The following ABCA2 variants were observed in gnomAD, a reference collection of about 807,000 sequenced individuals.
The protein encoded by ABCA2 is ATP binding cassette subfamily A member 2, also known as ATP-binding cassette sub-family A member 2.
In ABCA2, 84 loss-of-function variants were observed where a neutral mutation model predicts 262.8. The ratio of observed to expected loss-of-function variants is 0.32; its 90% CI spans 0.27 to 0.38. The LOEUF (loss-of-function observed/expected upper bound fraction) is 0.38, where lower values mean the gene tolerates loss of function less well. Ranked by LOEUF, ABCA2 falls within the 10% of genes least tolerant of loss-of-function variation. The pLI is 1.00. For synonymous variants in ABCA2, 1,696 were observed against 1,502.9 expected, an observed-to-expected ratio of 1.13 and a Z score of -2.97; for missense variants, 2,662 against 3,405.9, an observed-to-expected ratio of 0.78 and a Z score of 5.44.
intron 3 of ABCA2, 45 bp downstream of exon 3, chr9:137,023,793 C>A: frequency 1.3e-6 from 1 of 741,584 alleles, no homozygotes; most frequent in Non-Finnish European, 2.5e-6. Context: ...GGGCCCCCCG[C>A]AGCTGCTGCC....
At chr9:137,024,880 G>A (rs1464245027) in intron 1 of ABCA2, among the ~76,000 whole-genome samples, 3 of 150,560 alleles carry the variant, frequency 2.0e-5, no homozygotes, top group African/African-American at 7.4e-5. Context: ...CTCACTGCAA[G>A]CTCCGTCCCC....
intron 1 of ABCA2, among the ~76,000 whole-genome samples, chr9:137,027,097 C>G (rs1275533178): frequency 6.6e-6 from 1 of 152,190 alleles, no homozygotes; most frequent in Non-Finnish European, 1.5e-5. Context: ...CCTGGCTGGG[C>G]AAGAGGATGT....
At position 137,010,256 on chromosome 9, in the gene ABCA2, G is replaced by A. The variant is rs1197163672; in HGVS notation, c.6290C>T (p.Thr2097Ile). Residue 2097 changes from threonine (T) to isoleucine (I), a missense_variant, in exon 41 of 49, where the codon ACC becomes ATC. Thr to Ile is a moderately conservative substitution (Grantham distance 89). This residue lies in a region of ABCA2 where 602 missense variants were observed against 897.4 expected (regional missense o/e 0.67). Transcript: ENST00000341511. Reference protein sequence around the residue: ...LGVNGAGKTSTFKMLTGDEST... With the variant: ...LGVNGAGKTSIFKMLTGDEST... The stretch of plus-strand genomic sequence containing the variant: ...CTCGTCGCCGGTCAGCATCTTGAAG[G>A]TGCTGGTCTTGCCCGCACCGTTGAC... 1 of 1,602,320 alleles carries A rather than the reference G, an allele frequency of 6.2e-7. No homozygotes were observed. Among genetic ancestry groups the A allele is most frequent in the African/African-American group, 1.3e-5 (1 of 74,698 alleles).
Position 137,010,151 on chromosome 9 carries a change from TGA to T in ABCA2, c.6354-29_6354-28del, listed in dbSNP as rs774769103. On this transcript the variant is annotated intron_variant, in intron 41 of 48. Coordinates refer to ENST00000341511, the MANE Select transcript of ABCA2 (RefSeq NM_001606.5). The stretch of plus-strand genomic sequence containing the variant: ...TGGGGACACGGCAGCTGTCAGCGCG[TGA>T]GGACGCGGCGGCCCCGCCCACCCAG... 2.5e-6 allele frequency: 4 copies of T among 1,592,312 alleles called. No homozygotes were observed. The African/African-American group carries it at 5.4e-5, about 21-fold the overall frequency.
chr9:137,028,398 G>C, upstream of ABCA2: 1 of 524,510 alleles, frequency 1.9e-6, no homozygotes, highest in South Asian at 7.9e-5. The surrounding 1 kb of genome is among the most constrained non-coding windows in gnomAD (Gnocchi z 6.9). Flanking sequence ...CCGCGCCCGG[G>C]ACCGACCCGG....
rs547767667 is a variant in ABCA2 at position 137,017,429 on chromosome 9, T to C, written c.2402+73A>G. ...AGGCCCGTGCCAGGGTCCAGGGGGCTCTGAGAGGATGTGGGGTGAGCTTGC... is the reference window on the plus strand; with the variant it reads ...AGGCCCGTGCCAGGGTCCAGGGGGCCCTGAGAGGATGTGGGGTGAGCTTGC... On this transcript the variant is annotated intron_variant, in intron 17 of 48. Coordinates refer to ENST00000341511, the MANE Select transcript of ABCA2 (RefSeq NM_001606.5). The C allele has an allele frequency of 1.1e-4, 177 of 1,598,890 alleles. No homozygotes were observed. The South Asian group carries it at 1.2e-3, about 11-fold the overall frequency.
chr9:137,023,196 A>G (rs929079848), intron 3 of ABCA2, 144 bp from the exon 4 acceptor site: 6 of 707,442 alleles, frequency 8.5e-6, no homozygotes, highest in Non-Finnish European at 1.4e-5. Context: ...AGAAGGCGGC[A>G]CAGAGCCCTG....
At chr9:137,009,195 AG>A (rs938596588) in intron 45 of ABCA2, 142 bp from the exon 46 acceptor site, 8 of 653,660 alleles carry the variant, frequency 1.2e-5, no homozygotes, top group Non-Finnish European at 1.8e-5. Context: ...CAGCCCCCAC[AG>A]CCCTCCAGGC....
rs1244535900 is a variant in ABCA2 at position 137,018,010 on chromosome 9, C to T, written c.2059G>A (p.Val687Met). ...TAGCAGGGGTAGGGGAACATCTGCA[C>T]GTAGCTGCCTGGCTCCACCACATCG... ...GHDVVEPGSYVQMFPYPCYTR... is the reference protein window; with the variant it reads ...GHDVVEPGSYMQMFPYPCYTR... The change falls in exon 15 of 49, where the codon GTG becomes ATG. Residue 687 changes from valine to methionine, a missense_variant. Val to Met is a conservative substitution (Grantham distance 21, BLOSUM62 1). Transcript: ENST00000341511. 2 of 1,612,690 alleles carry T rather than the reference C, an allele frequency of 1.2e-6. No individual in the cohort carries two copies. The highest frequency in any genetic ancestry group is 1.3e-5 in the African/African-American group (1 of 74,952).
rs779841097 is a variant in ABCA2, at chr9:137,013,845, G to T, written c.4434C>A (p.Ser1478=). The T allele has an allele frequency of 1.2e-6, 2 of 1,608,198 alleles. No homozygotes were observed. Among genetic ancestry groups the T allele is most frequent in the Non-Finnish European group, 1.7e-6 (2 of 1,177,906 alleles). ...FVCVAMTVAL[S]VPEIGDLPPL... Reference sequence around the variant, plus strand: ...CCGGTGGCCTACCAATCTCCGGGACGGACAGGGCCACGGTCATGGCCACGC... The same window carrying T: ...CCGGTGGCCTACCAATCTCCGGGACTGACAGGGCCACGGTCATGGCCACGC... Residue 1478 remains serine (S), a synonymous_variant, in exon 28 of 49, where the codon TCC becomes TCA. Transcript: ENST00000341511.
At position 137,016,015 on chromosome 9, in the gene ABCA2, G is replaced by A; in HGVS notation, c.3264C>T (p.Phe1088=). Residue 1088 remains phenylalanine, a synonymous_variant, in exon 22 of 49, where the codon TTC becomes TTT. Transcript: ENST00000341511. Reference sequence around the variant, plus strand: ...GAGCCATGCTCTTGAGCCGTGAGTAGAACCAGAGGTGTTCCTCCACCGTGA... The same window carrying A: ...GAGCCATGCTCTTGAGCCGTGAGTAAAACCAGAGGTGTTCCTCCACCGTGA... ...DRLTVEEHLW[F]YSRLKSMAQE... 1 of 1,611,310 alleles carries A rather than the reference G, an allele frequency of 6.2e-7. No individual in the cohort carries two copies. The highest frequency in any genetic ancestry group is 8.5e-7 in the Non-Finnish European group (1 of 1,179,778).
Position 137,017,523 on chromosome 9 carries a change from G to A in ABCA2, c.2381C>T (p.Ala794Val). Residue 794 changes from alanine (A) to valine (V), a missense_variant, in exon 17 of 49, where the codon GCG (alanine) becomes GTG (valine). Physicochemically the swap from Ala to Val is moderately conservative, Grantham distance 64. Around this residue, in one of 12 missense-constraint regions of ABCA2, gnomAD observed 188 missense variants for 343.4 expected, o/e 0.55. Coordinates refer to ENST00000341511, the MANE Select transcript of ABCA2 (RefSeq NM_001606.5). ...VIIWLFLAVY[A>V]VATIMFCFLV... ...TCACCAGAACATGATGGTGGCCACC[G>A]CGTAGACTGCCAGGAAGAGCCAGAT... is the stretch of plus-strand genomic sequence containing the variant. The A allele has an allele frequency of 2.5e-6, 4 of 1,609,834 alleles. No individual in the cohort carries two copies. The highest frequency in any genetic ancestry group is 1.1e-5 in the South Asian group (1 of 91,042).
Position 137,009,787 on chromosome 9 carries a change from G to A in ABCA2, c.6612C>T (p.Tyr2204=), listed in dbSNP as rs1301555912. ...KLSTAIALIG[Y]PAFIFLDEPT... is the part of the protein sequence containing the mutation. ...GACTTACCAGGAAGATGAAGGCTGG[G>A]TACCCAATGAGGGCGATGGCCGTGG... Residue 2204 remains tyrosine, a synonymous_variant, in exon 43 of 49, where the codon TAC becomes TAT. Transcript: ENST00000341511. 1.9e-6 allele frequency: 3 copies of A among 1,611,958 alleles called. No homozygotes were observed. Among genetic ancestry groups the A allele is most frequent in the African/African-American group, 1.3e-5 (1 of 75,034 alleles).
In ABCA2 at chr9:137,007,663, G is replaced by A. The variant is rs1338433417; in HGVS notation, c.*266C>T. On this transcript the variant is annotated 3_prime_UTR_variant, in exon 49 of 49. Transcript: ENST00000341511. The stretch of plus-strand genomic sequence containing the variant: ...CAGTGCCAGGCAGGGGCGAGGGGCC[G>A]GGCAGACCCCGAGGCTTTAAGGCAA... 10 of 560,882 alleles carry A rather than the reference G, an allele frequency of 1.8e-5. No homozygotes were observed. The highest frequency in any genetic ancestry group is 3.1e-5 in the East Asian group (1 of 32,026). 34.7% of individuals were successfully genotyped at this position (560,882 alleles called of 1,614,324 possible).
rs750466120 is a variant in ABCA2 at position 137,016,039 on chromosome 9, G to C, written c.3240C>G (p.Leu1080=). The C allele has an allele frequency of 2.5e-6, 4 of 1,612,366 alleles. No individual in the cohort carries two copies. In the East Asian group the frequency reaches 6.7e-5, roughly 27 times the overall value. Residue 1080 remains leucine (L), a synonymous_variant, in exon 22 of 49, where the codon CTC becomes CTG. Transcript: ENST00000341511. The part of the protein sequence containing the change: ...CPQHNVLFDR[L]TVEEHLWFYS... ...AGAACCAGAGGTGTTCCTCCACCGT[G>C]AGCCGGTCAAAGAGCACATTGTGCT...
At position 137,019,452 on chromosome 9, in the gene ABCA2, G is replaced by T; in HGVS notation, c.1426-146C>A. 1 of 957,738 alleles carries T rather than the reference G, an allele frequency of 1.0e-6. No individual in the cohort carries two copies. The highest frequency in any genetic ancestry group is 1.7e-5 in the South Asian group (1 of 57,568). The allele number at this position is 957,738 out of a possible 1,614,324, so 59.3% of individuals were successfully genotyped here. A position where few individuals can be genotyped will look rare whatever the true frequency, so the allele number is the denominator to read the frequency against. Reference sequence around the variant, plus strand: ...TTTTTTTTTTTTTTTCCTGAGACAGGGTCTCAGTCACCCACGCTGGAGTGC... The same window carrying T: ...TTTTTTTTTTTTTTTCCTGAGACAGTGTCTCAGTCACCCACGCTGGAGTGC... On this transcript the variant is annotated intron_variant, in intron 10 of 48. Coordinates refer to ENST00000341511, the MANE Select transcript of ABCA2 (RefSeq NM_001606.5). This position sits in a 1 kb window ranked among gnomAD's most constrained non-coding sequence, Gnocchi z 4.4.
Position 137,014,170 on chromosome 9 carries a change from T to G in ABCA2, c.4238A>C (p.Gln1413Pro), listed in dbSNP as rs1183384917. 1 of 1,606,428 alleles carries G rather than the reference T, an allele frequency of 6.2e-7. No individual in the cohort carries two copies. Residue 1413 changes from glutamine to proline, a missense_variant and splice_region_variant, in exon 27 of 49, where the codon CAA becomes CCA. Gln to Pro is a moderately conservative substitution (Grantham distance 76). Coordinates refer to ENST00000341511, the MANE Select transcript of ABCA2 (RefSeq NM_001606.5). ...CAGCCTCACCCTGCCACCCCCACCTTGCAGGCTGACATTGTCTGGGTCCTG... is the reference window on the plus strand; with the variant it reads ...CAGCCTCACCCTGCCACCCCCACCTGGCAGGCTGACATTGTCTGGGTCCTG... ...NPQDPDNVSL[Q>P]EVEAEALSRV...
intron 9 of ABCA2, 40 bp from the exon 10 acceptor site, chr9:137,020,535 G>A (rs1455325131): frequency 6.4e-7 from 1 of 1,555,324 alleles, no homozygotes; most frequent in Non-Finnish European, 8.7e-7. Context: ...GCCGTTAGGG[G>A]GCAGGGCCGC....
chr9:137,014,914 T>C lies in ABCA2; in HGVS notation c.3881A>G (p.Gln1294Arg). The change falls in exon 25 of 49, where the codon CAG becomes CGG. Residue 1294 changes from glutamine (Q) to arginine (R), a missense_variant and splice_region_variant. Gln to Arg is a conservative substitution (Grantham distance 43, BLOSUM62 1). Coordinates refer to ENST00000341511, the MANE Select transcript of ABCA2 (RefSeq NM_001606.5). ...AKKGAFERLF[Q>R]HLERSLDALH... Reference sequence around the variant, plus strand: ...CCCCCGACCCGTGCGCCCTCACACCTGGAAGAGGCGCTCGAAAGCCCCCTT... The same window carrying C: ...CCCCCGACCCGTGCGCCCTCACACCCGGAAGAGGCGCTCGAAAGCCCCCTT... The C allele has an allele frequency of 6.4e-7, 1 of 1,572,352 alleles. No individual in the cohort carries two copies. Among genetic ancestry groups the C allele is most frequent in the Non-Finnish European group, 8.7e-7 (1 of 1,156,054 alleles).
Sources: gnomAD v4.1 joint callset for allele counts (sites outside exome capture counted in the v4.1 genomes callset) on GRCh38, gnomAD v4.1.1 for gene constraint, gnomAD v4.1.1 regional missense constraint, Gnocchi (gnomAD v3.1) non-coding constraint, MANE v1.5 for transcripts, NCBI Gene and HGNC (gene_info 2026-07-23, HGNC 2026-07-21) for gene names.